WNT11: variants seen among roughly 807,000 people sequenced by gnomAD.
WNT11 encodes the protein protein Wnt-11.
Under a neutral mutation model 35.6 loss-of-function variants are expected in WNT11, and 20 were observed. The observed-to-expected ratio is 0.56, with a 90% confidence interval of 0.40 to 0.82. The LOEUF is 0.82. Ranked by LOEUF, WNT11 falls within the 40% of genes least tolerant of loss-of-function variation. WNT11 has a pLI of 0.00. For missense variants in WNT11, 459 were observed against 504.4 expected, an observed-to-expected ratio of 0.91 and a Z score of 0.86; for synonymous variants, 200 against 211.9, an observed-to-expected ratio of 0.94 and a Z score of 0.49.
rs764642869 is a variant in WNT11, at chr11:76,196,591, G to C, written c.211C>G (p.His71Asp). The C allele has an allele frequency of 6.2e-7, 1 of 1,613,604 alleles. No individual in the cohort carries two copies. Among genetic ancestry groups the C allele is most frequent in the Non-Finnish European group, 8.5e-7 (1 of 1,180,034 alleles). Reference sequence around the variant, plus strand: ...GCCTTCATGACCTCGCGGGCGGCGTGCACCACCGTGTGCATGAGCTCCAGG... The same window carrying C: ...GCCTTCATGACCTCGCGGGCGGCGTCCACCACCGTGTGCATGAGCTCCAGG... ...SNLELMHTVV[H>D]AAREVMKACR... Residue 71 changes from histidine (H) to aspartate (D), a missense_variant, in exon 2 of 5, where the codon CAC becomes GAC. His to Asp is a moderately conservative substitution (Grantham distance 81). Coordinates refer to ENST00000322563, the MANE Select transcript of WNT11 (RefSeq NM_004626.3).
Position 76,196,857 on chromosome 11 carries a change from A to C in WNT11, c.84-139T>G, listed in dbSNP as rs1171907220. 6.2e-6 allele frequency: 6 copies of C among 967,954 alleles called. No homozygotes were observed. In the Admixed American group the frequency reaches 1.4e-4, roughly 22 times the overall value. The allele number at this position is 967,954 out of a possible 1,614,324, so 60.0% of individuals were successfully genotyped here. ...CTGGTTTCCTGGCTCCTTCCAAAAAAGGCTCCCAAACTGTCAGCTGGCAGA... is the reference window on the plus strand; with the variant it reads ...CTGGTTTCCTGGCTCCTTCCAAAAACGGCTCCCAAACTGTCAGCTGGCAGA... On this transcript the variant is annotated intron_variant, in intron 1 of 4. Coordinates refer to ENST00000322563, the MANE Select transcript of WNT11 (RefSeq NM_004626.3).
chr11:76,210,606 GGC>G (rs1953557553), upstream of WNT11: 1 of 985,180 alleles, frequency 1.0e-6, no homozygotes, highest in Non-Finnish European at 1.2e-6. Flanking sequence ...TTCGTGAAGC[GGC>G]GCGAGAAGGA....
At chr11:76,210,368 G>T (rs1953549261), upstream of WNT11, 2 of 941,470 alleles carry the variant, frequency 2.1e-6, no homozygotes, top group Non-Finnish European at 1.3e-6. Flanking sequence ...TGCCCAAGGG[G>T]GTCGTGGCGG....
chr11:76,191,158 C>T (rs928636207), intron 4 of WNT11, among the ~76,000 whole-genome samples: 4 of 152,240 alleles, frequency 2.6e-5, no homozygotes, highest in African/African-American at 4.8e-5. Context: ...TGCTGTGCAA[C>T]GAGCAGGCTG....
chr11:76,199,797 AAAAC>A (rs1013459372), intron 1 of WNT11, among the ~76,000 whole-genome samples: 22 of 152,264 alleles, frequency 1.4e-4, no homozygotes, highest in Admixed American at 3.9e-4. Flanking sequence ...CTCAAAAAAC[AAAAC>A]AAACAAACAA....
chr11:76,205,138 A>G (rs1452044594), intron 1 of WNT11, among the ~76,000 whole-genome samples: 2 of 152,124 alleles, frequency 1.3e-5, no homozygotes, highest in Non-Finnish European at 2.9e-5. Context: ...AGGCAGGAAG[A>G]CGGGGTTCCC....
chr11:76,204,325 T>C (rs1044057011), intron 1 of WNT11, among the ~76,000 whole-genome samples: 1 of 152,216 alleles, frequency 6.6e-6, no homozygotes, highest in Admixed American at 6.5e-5. Flanking sequence ...TGATCTAACT[T>C]ACATGACCCA....
At chr11:76,204,215 T>C (rs964037888) in intron 1 of WNT11, among the ~76,000 whole-genome samples, 1 of 152,224 alleles carries the variant, frequency 6.6e-6, no homozygotes, top group Admixed American at 6.5e-5. Context: ...GTTGTTATTC[T>C]TAAACTCCAC....
In WNT11 at chr11:76,196,559, G is replaced by A. The variant is rs1445637356; in HGVS notation, c.243C>T (p.Arg81=). 3 of 1,613,516 alleles carry A rather than the reference G, an allele frequency of 1.9e-6. No individual in the cohort carries two copies. The African/African-American group carries it at 4.0e-5, about 22-fold the overall frequency. Residue 81 remains arginine (R), a synonymous_variant, in exon 2 of 5, where the codon CGC becomes CGT. Transcript: ENST00000322563. ...TCCAGCGCATGTCGGCAAAGGCCCG[G>A]CGACAGGCCTTCATGACCTCGCGGG... The part of the protein sequence containing the change: ...HAAREVMKAC[R]RAFADMRWNC...
chr11:76,206,174 G>GCTGT, intron 1 of WNT11, 151 bp downstream of exon 1: 1 of 653,994 alleles, frequency 1.5e-6, no homozygotes, highest in Non-Finnish European at 2.3e-6. Context: ...TACAGAGGAG[G>GCTGT]AAACAGAGGC....
intron 1 of WNT11, among the ~76,000 whole-genome samples, chr11:76,199,352 G>A (rs1255154647): frequency 6.6e-6 from 1 of 151,892 alleles, no homozygotes; most frequent in Non-Finnish European, 1.5e-5. Context: ...GGGTGTTGTG[G>A]TGCATGCCTA....
chr11:76,201,047 T>C (rs1257517427), intron 1 of WNT11, among the ~76,000 whole-genome samples: 2 of 152,120 alleles, frequency 1.3e-5, no homozygotes, highest in African/African-American at 4.8e-5. Context: ...GGTGCCTGGG[T>C]CTCCTAGGCT....
chr11:76,210,047 C>T (rs991984847), upstream of WNT11, among the ~76,000 whole-genome samples: 7 of 150,758 alleles, frequency 4.6e-5, no homozygotes, highest in African/African-American at 1.5e-4. Context: ...GCCACCCTTT[C>T]CCCCCGCCCA....
At chr11:76,203,190 C>T (rs757669332) in intron 1 of WNT11, among the ~76,000 whole-genome samples, 1 of 152,230 alleles carries the variant, frequency 6.6e-6, no homozygotes, top group Non-Finnish European at 1.5e-5. Flanking sequence ...CCTCCTGCAT[C>T]CTGAGGTAGG....
intron 1 of WNT11, among the ~76,000 whole-genome samples, chr11:76,203,519 G>T (rs754389179): frequency 2.0e-5 from 3 of 152,218 alleles, no homozygotes; most frequent in African/African-American, 7.2e-5. Context: ...GCCAAGAAGG[G>T]GGTGGACAGC....
At chr11:76,188,766 G>A (rs1241720231) in intron 4 of WNT11, among the ~76,000 whole-genome samples, 2 of 152,244 alleles carry the variant, frequency 1.3e-5, no homozygotes, top group Admixed American at 6.5e-5. Context: ...AAGAGGAAAG[G>A]CCATCTAGGC....
chr11:76,195,217 TC>T, intron 2 of WNT11: 1 of 275,046 alleles, frequency 3.6e-6, no homozygotes, highest in Non-Finnish European at 6.9e-6. Flanking sequence ...TGGACCTGTG[TC>T]CCCCCGAAGG....
chr11:76,204,329 T>A (rs1953434933), intron 1 of WNT11, among the ~76,000 whole-genome samples: 2 of 152,232 alleles, frequency 1.3e-5, no homozygotes, highest in South Asian at 4.1e-4. Flanking sequence ...CTAACTTACA[T>A]GACCCAAGCT....
At position 76,187,294 on chromosome 11, in the gene WNT11, C is replaced by A. The variant is rs910207905; in HGVS notation, c.891-55G>T. On this transcript the variant is annotated intron_variant, in intron 4 of 4. Coordinates refer to ENST00000322563, the MANE Select transcript of WNT11 (RefSeq NM_004626.3). ...CATGCCTTGGTCACCACCCCACCAACACCCCATGACTCCCAGCCAGGCAGC... is the reference window on the plus strand; with the variant it reads ...CATGCCTTGGTCACCACCCCACCAAAACCCCATGACTCCCAGCCAGGCAGC... 4.6e-6 allele frequency: 7 copies of A among 1,529,710 alleles called. No homozygotes were observed. In the African/African-American group the frequency reaches 8.2e-5, roughly 18 times the overall value. The allele number at this position is 1,529,710 out of a possible 1,614,324, so 94.8% of individuals were successfully genotyped here.
Sources: gnomAD v4.1 joint callset for allele counts (sites outside exome capture counted in the v4.1 genomes callset) on GRCh38, gnomAD v4.1.1 for gene constraint, MANE v1.5 for transcripts, NCBI Gene and HGNC (gene_info 2026-07-23, HGNC 2026-07-21) for gene names.